SASH3: variants seen among roughly 807,000 people sequenced by gnomAD.
SASH3 encodes SAM and SH3 domain containing 3, also known as SAM and SH3 domain-containing protein 3.
SASH3 carries 7 observed loss-of-function variants against 26.1 expected under a neutral mutation model. The ratio of observed to expected loss-of-function variants is 0.27; its 90% CI spans 0.15 to 0.50. The LOEUF is 0.50. SASH3 is among the 20% of genes least tolerant of loss of function. The pLI is 0.98. For missense variants in SASH3, 231 were observed against 318.3 expected, an observed-to-expected ratio of 0.73 and a Z score of 2.09; for synonymous variants, 138 against 136.8, an observed-to-expected ratio of 1.01 and a Z score of -0.06.
intron 3 of SASH3, among the ~76,000 whole-genome samples, chrX:129,790,291 G>C (rs1343244203): frequency 1.8e-5 from 2 of 110,335 alleles, no homozygotes. Flanking sequence ...TGGCCGTGGA[G>C]GGGAGTGTTT....
chrX:129,781,523 G>A (rs1927016934), intron 1 of SASH3, among the ~76,000 whole-genome samples: 1 of 111,990 alleles, frequency 8.9e-6, no homozygotes, highest in South Asian at 3.6e-4. Flanking sequence ...CTGGCTGGTG[G>A]GGGTGGGAAA....
chrX:129,779,980 G>A lies in SASH3; in HGVS notation c.-118G>A, dbSNP rs1170468422. On this transcript the variant is annotated 5_prime_UTR_variant, in exon 1 of 8. Transcript: ENST00000356892. ...AAGCTGCCACTGCAGCAGTCAGAGT[G>A]GCAGCTGAAGGCTCGGTTCATGCCG... is the stretch of plus-strand genomic sequence containing the variant. The A allele has an allele frequency of 1.5e-6, 1 of 651,171 alleles. No individual in the cohort carries two copies. The highest frequency in any genetic ancestry group is 2.4e-6 in the Non-Finnish European group (1 of 420,657). The allele number at this position is 651,171 out of a possible 1,213,427, so 53.7% of individuals were successfully genotyped here.
intron 3 of SASH3, among the ~76,000 whole-genome samples, chrX:129,789,121 G>GAAAA (rs1044366558): frequency 1.4e-4 from 5 of 36,093 alleles, no homozygotes; most frequent in African/African-American, 8.9e-4. Flanking sequence ...AAGAAAGAAA[G>GAAAA]AAAGAAAGAA....
intron 3 of SASH3, among the ~76,000 whole-genome samples, chrX:129,789,457 A>C (rs1927191601): frequency 9.0e-6 from 1 of 110,566 alleles, no homozygotes; most frequent in Admixed American, 9.6e-5. Flanking sequence ...ACATGGCAAA[A>C]TCCCGTCTCT....
chrX:129,790,830 G>C lies in SASH3; in HGVS notation c.301-110G>C, dbSNP rs922706905. ...TGCCATTCAGCCTATAAGTGGTAGA[G>C]TTGGGGTTTGAGCCAGCCCCTAGCT... On this transcript the variant is annotated intron_variant, in intron 3 of 7. Transcript: ENST00000356892. 6 of 854,628 alleles carry C rather than the reference G, an allele frequency of 7.0e-6. No homozygotes were observed. The African/African-American group carries it at 1.2e-4, about 18-fold the overall frequency. 70.4% of individuals were successfully genotyped at this position (854,628 alleles called of 1,213,427 possible). A position where few individuals can be genotyped will look rare whatever the true frequency, so the allele number is the denominator to read the frequency against.
At position 129,794,974 on chromosome X, in the gene SASH3, C is replaced by T. The variant is rs1215387374; in HGVS notation, c.*1142C>T. 1 of 111,291 alleles carries T rather than the reference C, an allele frequency of 9.0e-6. No individual in the cohort carries two copies. Among genetic ancestry groups the T allele is most frequent in the African/African-American group, 3.3e-5 (1 of 30,547 alleles). 9.2% of individuals were successfully genotyped at this position (111,291 alleles called of 1,213,427 possible). A position where few individuals can be genotyped will look rare whatever the true frequency, so the allele number is the denominator to read the frequency against. The stretch of plus-strand genomic sequence containing the variant: ...TCTGTGAGTGGGGGCCTCCCTTGAC[C>T]CCAGTACGAAGTCTATGCCCTGAAT... On this transcript the variant is annotated 3_prime_UTR_variant, in exon 8 of 8. Coordinates refer to ENST00000356892, the MANE Select transcript of SASH3 (RefSeq NM_018990.4).
At chrX:129,781,610 G>C (rs1927018554) in intron 1 of SASH3, among the ~76,000 whole-genome samples, 1 of 112,568 alleles carries the variant, frequency 8.9e-6, no homozygotes, top group South Asian at 3.6e-4. Context: ...AGAAAGAGCT[G>C]ACACTTTGAC....
intron 1 of SASH3, among the ~76,000 whole-genome samples, chrX:129,783,780 G>C (rs756493878): frequency 3.6e-5 from 4 of 111,147 alleles, no homozygotes; most frequent in African/African-American, 9.8e-5. Flanking sequence ...AGGAGCAGAG[G>C]GGGTAGCTCA....
chrX:129,789,109 A>AAAAGAAGAAAGAAAGAAAG (rs1556001554), intron 3 of SASH3, among the ~76,000 whole-genome samples: 2 of 39,453 alleles, frequency 5.1e-5, no homozygotes, highest in African/African-American at 1.4e-4. Context: ...CTCAAAAAAA[A>AAAAGAAGAAAGAAAGAAAG]AAAGAAAGAA....
intron 2 of SASH3, 98 bp from the exon 3 acceptor site, chrX:129,788,333 C>T: frequency 1.1e-6 from 1 of 946,555 alleles, no homozygotes; most frequent in South Asian, 2.2e-5. Flanking sequence ...GTTCCACCCC[C>T]TCCAGCTTCT....
At chrX:129,790,053 G>A (rs994804942) in intron 3 of SASH3, among the ~76,000 whole-genome samples, 2 of 111,502 alleles carry the variant, frequency 1.8e-5, no homozygotes, top group African/African-American at 6.5e-5. Context: ...GGCAACATAG[G>A]GAGACTCTGT....
chrX:129,788,585 C>T lies in SASH3; in HGVS notation c.300+8C>T, dbSNP rs372485823. On this transcript the variant is annotated splice_region_variant and intron_variant, in intron 3 of 7. Coordinates refer to ENST00000356892, the MANE Select transcript of SASH3 (RefSeq NM_018990.4). ...GCCCTGTCAGAAGAGATGGTGAGGC[C>T]TGCAGATATAGGGGATGGGGTGTCC... The T allele has an allele frequency of 2.7e-3, 3,222 of 1,208,191 alleles. 48 individuals are homozygous for T. In the South Asian group the frequency reaches 0.053, roughly 20 times the overall value.
chrX:129,781,649 C>T (rs1037503050), intron 1 of SASH3, among the ~76,000 whole-genome samples: 1 of 112,654 alleles, frequency 8.9e-6, no homozygotes, highest in Non-Finnish European at 1.9e-5. Context: ...ATCAGGAAGA[C>T]GTACCTAGGG....
intron 7 of SASH3, among the ~76,000 whole-genome samples, chrX:129,793,369 A>G (rs1275430345): frequency 8.9e-6 from 1 of 112,698 alleles, no homozygotes; most frequent in East Asian, 2.8e-4. Context: ...TTAAGGCCAA[A>G]GAAGGCAAAG....
In SASH3 at chrX:129,794,425, G is replaced by C. The variant is rs1280113790; in HGVS notation, c.*593G>C. The C allele has an allele frequency of 8.9e-6, 1 of 112,467 alleles. No individual in the cohort carries two copies. Among genetic ancestry groups the C allele is most frequent in the Non-Finnish European group, 1.9e-5 (1 of 53,568 alleles). 9.3% of individuals were successfully genotyped at this position (112,467 alleles called of 1,213,427 possible). ...CTAAATCTTATGAGACTTGAACCAA[G>C]TGGCTTCCTCTTTCTAGGCTTAGGA... On this transcript the variant is annotated 3_prime_UTR_variant, in exon 8 of 8. Transcript: ENST00000356892.
chrX:129,783,378 A>T, intron 1 of SASH3, among the ~76,000 whole-genome samples: 1 of 111,851 alleles, frequency 8.9e-6, no homozygotes, highest in African/African-American at 3.3e-5. Flanking sequence ...AGCTCTGTTC[A>T]AAAACCACCT....
At position 129,793,761 on chromosome X, in the gene SASH3, G is replaced by A. The variant is rs754816732; in HGVS notation, c.1072G>A (p.Gly358Arg). 1.7e-6 allele frequency: 2 copies of A among 1,209,448 alleles called. No individual in the cohort carries two copies. Among genetic ancestry groups the A allele is most frequent in the Admixed American group, 2.2e-5 (1 of 45,924 alleles). Residue 358 changes from glycine to arginine, a missense_variant, in exon 8 of 8, where the codon GGG (glycine) becomes AGG (arginine). Transcript: ENST00000356892. ...AGGCTGCTTTGAGGGCTCGGAGAGC[G>A]GGCGCGATGACGCAGAGCTGGCAGG... ...DSGCFEGSES[G>R]RDDAELAGTE...
At chrX:129,792,228 C>A in intron 4 of SASH3, 100 bp from the exon 5 acceptor site, 1 of 987,636 alleles carries the variant, frequency 1.0e-6, no homozygotes, top group Non-Finnish European at 1.4e-6. Context: ...GGTGTATACC[C>A]TTGGGATTTC....
At chrX:129,789,970 G>A (rs1927201928) in intron 3 of SASH3, among the ~76,000 whole-genome samples, 1 of 112,197 alleles carries the variant, frequency 8.9e-6, no homozygotes, top group Non-Finnish European at 1.9e-5. Flanking sequence ...GCATGGTGGT[G>A]TACACCTATA....
Sources: gnomAD v4.1 joint callset for allele counts (sites outside exome capture counted in the v4.1 genomes callset) on GRCh38, gnomAD v4.1.1 for gene constraint, MANE v1.5 for transcripts, NCBI Gene and HGNC (gene_info 2026-07-23, HGNC 2026-07-21) for gene names.